The following NTRK3 variants were observed in gnomAD, a reference collection of about 807,000 sequenced individuals.
NTRK3 encodes the protein neurotrophic receptor tyrosine kinase 3.
Under a neutral mutation model 91.7 loss-of-function variants are expected in NTRK3, and 24 were observed. That is an observed-to-expected ratio of 0.26 (90% confidence interval 0.19 to 0.37). NTRK3 has a LOEUF of 0.37. NTRK3 is among the 10% of genes least tolerant of loss of function. The pLI is 1.00. For synonymous variants in NTRK3, 483 were observed against 404.0 expected (o/e 1.20, Z -2.34); for missense variants, 880 against 1,068.9 (o/e 0.82, Z 2.46).
chr15:88,111,775 A>AG (rs1424275306), intron 13 of NTRK3, among the ~76,000 whole-genome samples: 8 of 152,216 alleles, frequency 5.3e-5, no homozygotes, highest in African/African-American at 1.9e-4. Flanking sequence ...ATCGATTTAA[A>AG]GGGGCTGCTG....
intron 3 of NTRK3, among the ~76,000 whole-genome samples, chr15:88,207,265 G>T (rs1038922899): frequency 8.5e-5 from 13 of 152,172 alleles, no homozygotes; most frequent in African/African-American, 3.1e-4. Flanking sequence ...GGATGGCACT[G>T]CGGGGATAGT....
At chr15:87,918,136 C>A (rs1286460497) in intron 17 of NTRK3, among the ~76,000 whole-genome samples, 1 of 152,168 alleles carries the variant, frequency 6.6e-6, no homozygotes, top group Non-Finnish European at 1.5e-5. Flanking sequence ...CTCTTCCATA[C>A]TCTATGGCTA....
intron 17 of NTRK3, among the ~76,000 whole-genome samples, chr15:87,924,441 C>T (rs75230268): frequency 0.01 from 1,559 of 152,258 alleles, 29 homozygotes; most frequent in African/African-American, 0.036. Context: ...TGCTGCCAGA[C>T]CTGTTTATGA....
chr15:88,007,642 C>A (rs184278556), intron 14 of NTRK3, among the ~76,000 whole-genome samples: 5 of 152,170 alleles, frequency 3.3e-5, no homozygotes, highest in Non-Finnish European at 5.9e-5. Flanking sequence ...GCCTGGGAAG[C>A]CTGTTTTATC....
At chr15:87,980,517 A>ATG (rs756572239) in intron 14 of NTRK3, among the ~76,000 whole-genome samples, 1 of 152,058 alleles carries the variant, frequency 6.6e-6, no homozygotes, top group Admixed American at 6.6e-5. Flanking sequence ...GTGCGAATAT[A>ATG]TGTGTGTGTA....
chr15:88,228,590 G>T (rs530608300), intron 3 of NTRK3, among the ~76,000 whole-genome samples: 1 of 152,040 alleles, frequency 6.6e-6, no homozygotes, highest in Non-Finnish European at 1.5e-5. Context: ...GATTCCCCTG[G>T]GCAGAAACAG....
chr15:88,133,076 G>A (rs113083732), intron 10 of NTRK3, among the ~76,000 whole-genome samples: 4 of 152,272 alleles, frequency 2.6e-5, no homozygotes, highest in African/African-American at 7.2e-5. Flanking sequence ...TTCCGTAGAT[G>A]TGAGTGGCGC....
At chr15:88,008,830 G>T (rs1162321876) in intron 14 of NTRK3, among the ~76,000 whole-genome samples, 1 of 152,224 alleles carries the variant, frequency 6.6e-6, no homozygotes, top group East Asian at 1.9e-4. Context: ...GAATATATAA[G>T]ATCCACCTCC....
At chr15:88,084,378 C>T (rs1040766453) in intron 13 of NTRK3, among the ~76,000 whole-genome samples, 2 of 152,180 alleles carry the variant, frequency 1.3e-5, no homozygotes, top group Non-Finnish European at 2.9e-5. Context: ...TGTTCACAGC[C>T]AAGACTGAGC....
At chr15:88,046,774 A>C (rs1290551798) in intron 13 of NTRK3, among the ~76,000 whole-genome samples, 1 of 152,156 alleles carries the variant, frequency 6.6e-6, no homozygotes, top group East Asian at 1.9e-4. Flanking sequence ...CTCTTGGCTC[A>C]CTCATCCCTT....
At chr15:87,863,345 C>CG in exon 19 of NTRK3, 2 of 226,076 alleles carry the variant, frequency 8.8e-6, no homozygotes, top group Non-Finnish European at 1.8e-5. Context: ...ATCAGGATAG[C>CG]GGGCCCCTTC....
chr15:88,254,540 G>T (rs113621009), intron 3 of NTRK3, among the ~76,000 whole-genome samples: 1 of 152,116 alleles, frequency 6.6e-6, no homozygotes. Context: ...CTGCGAGAGC[G>T]CAAGCAGAAG....
intron 3 of NTRK3, among the ~76,000 whole-genome samples, chr15:88,218,395 G>GATCC (rs2049967425): frequency 6.6e-6 from 1 of 152,194 alleles, no homozygotes; most frequent in Non-Finnish European, 1.5e-5. Flanking sequence ...TCAGCTCTGT[G>GATCC]ATCCAGCACA....
intron 5 of NTRK3, among the ~76,000 whole-genome samples, chr15:88,149,447 T>A (rs1372292313): frequency 6.6e-6 from 1 of 152,190 alleles, no homozygotes; most frequent in Non-Finnish European, 1.5e-5. Flanking sequence ...CCCATGGCCC[T>A]ACACTGTCAC....
intron 5 of NTRK3, among the ~76,000 whole-genome samples, chr15:88,171,870 GA>G (rs1160817538): frequency 1.3e-5 from 2 of 152,256 alleles, no homozygotes; most frequent in African/African-American, 4.8e-5. Context: ...TTTACATTGA[GA>G]AAACAGGATT....
intron 5 of NTRK3, among the ~76,000 whole-genome samples, chr15:88,163,458 A>T (rs1290579308): frequency 6.6e-6 from 1 of 152,060 alleles, no homozygotes; most frequent in Non-Finnish European, 1.5e-5. Flanking sequence ...CCCCACTCAC[A>T]TGCTCCCAGA....
exon 3 of NTRK3, chr15:88,256,122 C>G: frequency 6.2e-7 from 1 of 1,603,768 alleles, no homozygotes. Context: ...CCGCCAGAAA[C>G]TACACTTGGC....
intron 14 of NTRK3, among the ~76,000 whole-genome samples, chr15:87,948,437 C>A (rs2070780313): frequency 6.6e-6 from 1 of 152,168 alleles, no homozygotes; most frequent in African/African-American, 2.4e-5. Context: ...CCTGTAATCC[C>A]AGCACTTTGG....
At chr15:88,010,748 C>CCACACA (rs10623073) in intron 14 of NTRK3, among the ~76,000 whole-genome samples, 2 of 149,074 alleles carry the variant, frequency 1.3e-5, no homozygotes, top group African/African-American at 2.5e-5. Context: ...ACACACACAC[C>CCACACA]CACACACACA....
Sources: gnomAD v4.1 joint callset for allele counts (sites outside exome capture counted in the v4.1 genomes callset) on GRCh38, gnomAD v4.1.1 for gene constraint, MANE v1.5 for transcripts, NCBI Gene and HGNC (gene_info 2026-07-23, HGNC 2026-07-21) for gene names.